Variants in SLC25A48 observed in about 807,000 individuals in gnomAD.
SLC25A48 encodes CTC-321K16.1.
In SLC25A48, 29 loss-of-function variants were observed where a neutral mutation model predicts 32.2. That is an observed-to-expected ratio of 0.90 (90% CI 0.67 to 1.23). SLC25A48 has a LOEUF of 1.23. SLC25A48 is among the 50% of genes most tolerant of loss of function. The pLI, the probability that SLC25A48 is intolerant of heterozygous loss-of-function variation, is 0.00. For missense variants in SLC25A48, 399 were observed against 422.7 expected (o/e 0.94, Z 0.49); for synonymous variants, 164 against 172.3 (o/e 0.95, Z 0.38).
rs1752511932 is a variant in SLC25A48, at chr5:135,629,631, G to A, written c.-709+255G>A. 6.6e-6 allele frequency among the ~76,000 whole-genome samples: 1 copy of A among 152,238 alleles called. No homozygotes were observed. Among genetic ancestry groups the A allele is most frequent in the South Asian group, 2.1e-4 (1 of 4,834 alleles). Reference sequence around the variant, plus strand: ...ATGTGTTAGCCAGCAGGCTGACTCTGTGGGCGCCTGAGGATGCATCAGGCT... The same window carrying A: ...ATGTGTTAGCCAGCAGGCTGACTCTATGGGCGCCTGAGGATGCATCAGGCT... On this transcript the variant is annotated intron_variant, in intron 2 of 10. Coordinates refer to the SLC25A48 transcript ENST00000646290. This position sits in a 1 kb window ranked among gnomAD's most constrained non-coding sequence, Gnocchi z 4.8.
chr5:135,702,379 CAG>C (rs1198222221), intron 3 of SLC25A48, among the ~76,000 whole-genome samples: 4 of 152,178 alleles, frequency 2.6e-5, no homozygotes, highest in African/African-American at 7.2e-5. Flanking sequence ...CATGTGATGA[CAG>C]AGGCAGGGAT....
At chr5:135,827,479 G>T (rs1758092483) in intron 4 of SLC25A48, 1 of 152,166 alleles carries the variant, frequency 6.6e-6, no homozygotes, top group African/African-American at 2.4e-5. Context: ...CTTCCCATTG[G>T]GTTTGGGGAT....
chr5:135,681,015 C>A (rs543030128), intron 3 of SLC25A48, among the ~76,000 whole-genome samples: 2 of 151,910 alleles, frequency 1.3e-5, no homozygotes, highest in South Asian at 2.1e-4. Flanking sequence ...GATGGAGTTT[C>A]GCTCTAGTTG....
At chr5:135,711,765 G>A (rs999237635) in intron 3 of SLC25A48, among the ~76,000 whole-genome samples, 3 of 152,116 alleles carry the variant, frequency 2.0e-5, no homozygotes, top group Non-Finnish European at 4.4e-5. Flanking sequence ...TTCAGTTACT[G>A]GGTTTGGCAC....
intron 7 of SLC25A48, among the ~76,000 whole-genome samples, chr5:135,884,392 T>A (rs531161111): frequency 6.6e-6 from 1 of 152,212 alleles, no homozygotes; most frequent in Non-Finnish European, 1.5e-5. Context: ...TCACAGCCCC[T>A]GGGACTGCAG....
At chr5:135,762,512 G>GAGGAGC (rs1756086964) in intron 3 of SLC25A48, among the ~76,000 whole-genome samples, 2 of 152,124 alleles carry the variant, frequency 1.3e-5, no homozygotes. Context: ...GGCTGCAGGG[G>GAGGAGC]AGGAGCAGAA....
At chr5:135,705,779 A>T (rs1182895214) in intron 3 of SLC25A48, among the ~76,000 whole-genome samples, 1 of 152,130 alleles carries the variant, frequency 6.6e-6, no homozygotes, top group Non-Finnish European at 1.5e-5. Context: ...CAGCATGAGG[A>T]CTGGGCCTTT....
At chr5:135,883,207 A>G (rs1412368682) in intron 7 of SLC25A48, 1 of 985,476 alleles carries the variant, frequency 1.0e-6, no homozygotes, top group Non-Finnish European at 1.2e-6. Context: ...AATTACAAGC[A>G]TTCTCATCCC....
intron 3 of SLC25A48, among the ~76,000 whole-genome samples, chr5:135,801,642 A>G (rs538186659): frequency 6.6e-6 from 1 of 151,470 alleles, no homozygotes; most frequent in South Asian, 2.1e-4. Flanking sequence ...AGGGGAGGAG[A>G]TGATATTACC....
chr5:135,657,355 A>G (rs895556648), intron 3 of SLC25A48, among the ~76,000 whole-genome samples: 3 of 152,250 alleles, frequency 2.0e-5, no homozygotes, highest in African/African-American at 7.2e-5. Flanking sequence ...AGAATGCTGT[A>G]GAACAGGGCT....
At chr5:135,668,019 C>G (rs1753564349) in intron 3 of SLC25A48, among the ~76,000 whole-genome samples, 1 of 152,140 alleles carries the variant, frequency 6.6e-6, no homozygotes, top group African/African-American at 2.4e-5. Flanking sequence ...AGACATAGTC[C>G]TGGCCTCTCT....
chr5:135,712,421 C>T (rs1219792439), intron 3 of SLC25A48, among the ~76,000 whole-genome samples: 1 of 152,144 alleles, frequency 6.6e-6, no homozygotes, highest in Non-Finnish European at 1.5e-5. Flanking sequence ...CTGGTGACTT[C>T]CTTGGGCCCT....
At position 135,874,047 on chromosome 5, in the gene SLC25A48, C is replaced by T. The variant is rs1162504951; in HGVS notation, c.706C>T (p.Pro236Ser). ...AGCAATTTCTTGGGGGACAGCGACT[C>T]CTATGGATGTCGTGAAAAGTCGACT... ...AGAISWGTAT[P>S]MDVVKSRLQA... Residue 236 changes from proline to serine, a missense_variant, in exon 6 of 8, where the codon CCT becomes TCT. Transcript: ENST00000681962. 7.2e-6 allele frequency: 11 copies of T among 1,532,674 alleles called. No homozygotes were observed. The highest frequency in any genetic ancestry group is 8.7e-6 in the Non-Finnish European group (10 of 1,145,700). 94.9% of individuals were successfully genotyped at this position (1,532,674 alleles called of 1,614,324 possible).
chr5:135,794,759 C>T (rs1757124791), intron 3 of SLC25A48, among the ~76,000 whole-genome samples: 1 of 151,096 alleles, frequency 6.6e-6, no homozygotes, highest in Non-Finnish European at 1.5e-5. Context: ...TCCAAATATC[C>T]AAGTGAAGAG....
At chr5:135,795,850 G>C (rs10069444) in intron 3 of SLC25A48, among the ~76,000 whole-genome samples, 1 of 147,660 alleles carries the variant, frequency 6.8e-6, no homozygotes, top group South Asian at 2.2e-4. Context: ...TCCCCATATC[G>C]CTGGAGTTGT....
chr5:135,594,729 GT>G (rs1561749908), intron 1 of SLC25A48, among the ~76,000 whole-genome samples: 1 of 152,142 alleles, frequency 6.6e-6, no homozygotes, highest in Non-Finnish European at 1.5e-5. Flanking sequence ...GTGAAAGGGA[GT>G]GGGTGAATAC....
At chr5:135,747,820 A>G (rs541413801) in intron 3 of SLC25A48, among the ~76,000 whole-genome samples, 21 of 152,356 alleles carry the variant, frequency 1.4e-4, no homozygotes, top group African/African-American at 5.0e-4. Context: ...TTTCGTGTGA[A>G]TTACCTAATT....
intron 3 of SLC25A48, among the ~76,000 whole-genome samples, chr5:135,714,305 A>G (rs905649223): frequency 6.6e-5 from 10 of 152,236 alleles, no homozygotes; most frequent in African/African-American, 2.4e-4. Context: ...AGACAGAAGC[A>G]GATGAGGGCT....
intron 1 of SLC25A48, among the ~76,000 whole-genome samples, chr5:135,618,929 T>G (rs1477681842): frequency 6.6e-6 from 1 of 151,904 alleles, no homozygotes; most frequent in African/African-American, 2.4e-5. Context: ...AGAATTTCTC[T>G]GTCTTTGATT....
Sources: allele counts gnomAD v4.1 joint callset (sites outside exome capture counted in the v4.1 genomes callset), GRCh38; gene constraint gnomAD v4.1.1; non-coding constraint Gnocchi (gnomAD v3.1); transcripts MANE v1.5; gene names NCBI Gene and HGNC (gene_info 2026-07-23, HGNC 2026-07-21).